TMEM51: variants seen among roughly 807,000 people sequenced by gnomAD.
The protein encoded by TMEM51 is transmembrane protein 51.
In TMEM51, 8 loss-of-function variants were observed where a neutral mutation model predicts 13.6. The observed-to-expected ratio is 0.59, with a 90% CI of 0.35 to 1.07. The LOEUF (loss-of-function observed/expected upper bound fraction) is 1.07. Among genes scored for constraint, TMEM51 ranks in the 50% least tolerant of loss-of-function variants. The pLI is 0.02. For synonymous variants in TMEM51, 147 were observed against 144.4 expected (o/e 1.02, Z -0.13); for missense variants, 279 against 330.7 (o/e 0.84, Z 1.21).
At chr1:15,164,073 G>A (rs981982902) in intron 1 of TMEM51, among the ~76,000 whole-genome samples, 19 of 151,910 alleles carry the variant, frequency 1.3e-4, no homozygotes, top group Admixed American at 5.9e-4. Flanking sequence ...CAGGTGATCC[G>A]CCCACCTCGG....
chr1:15,177,479 C>T (rs1489884542), intron 1 of TMEM51, among the ~76,000 whole-genome samples: 1 of 152,054 alleles, frequency 6.6e-6, no homozygotes, highest in East Asian at 1.9e-4. Context: ...GATGCTGCAG[C>T]AATGGGGATG....
At chr1:15,199,409 A>G (rs10927717) in intron 1 of TMEM51, among the ~76,000 whole-genome samples, 38,969 of 152,012 alleles carry the variant, frequency 0.26, 5,276 homozygotes, top group Middle Eastern at 0.32. Context: ...TGCTGGGATT[A>G]CAGGCATGAG....
chr1:15,184,923 G>A (rs1015628958), intron 1 of TMEM51, among the ~76,000 whole-genome samples: 4 of 151,894 alleles, frequency 2.6e-5, no homozygotes, highest in Admixed American at 6.6e-5. Flanking sequence ...TTATACAACC[G>A]ACATTGCACA....
At chr1:15,189,683 C>T (rs1001549305) in intron 1 of TMEM51, among the ~76,000 whole-genome samples, 1 of 152,192 alleles carries the variant, frequency 6.6e-6, no homozygotes, top group African/African-American at 2.4e-5. Context: ...CTTCCCTCCT[C>T]TTACAGCAGG....
intron 1 of TMEM51, among the ~76,000 whole-genome samples, chr1:15,170,007 A>C (rs1007969788): frequency 1.3e-5 from 2 of 152,236 alleles, no homozygotes; most frequent in African/African-American, 4.8e-5. Context: ...CTTTAAGTTC[A>C]AATGGTCCTA....
chr1:15,214,443 A>G (rs990065401), intron 2 of TMEM51, among the ~76,000 whole-genome samples: 5 of 152,110 alleles, frequency 3.3e-5, no homozygotes, highest in Non-Finnish European at 7.4e-5. Flanking sequence ...AGGGTGGGGA[A>G]CAGATGACAG....
chr1:15,217,172 G>T (rs922731543), intron 3 of TMEM51, among the ~76,000 whole-genome samples: 1 of 152,098 alleles, frequency 6.6e-6, no homozygotes, highest in Middle Eastern at 3.2e-3. Context: ...ATTCAGCAAT[G>T]CCACTTGTGG....
chr1:15,188,426 G>A (rs1210192751), intron 1 of TMEM51, among the ~76,000 whole-genome samples: 3 of 152,346 alleles, frequency 2.0e-5, no homozygotes, highest in African/African-American at 7.2e-5. Context: ...AAGAGGCCCT[G>A]CCTGGTAGGC....
At chr1:15,179,166 A>G (rs1643537876) in intron 1 of TMEM51, among the ~76,000 whole-genome samples, 1 of 152,158 alleles carries the variant, frequency 6.6e-6, no homozygotes, top group Non-Finnish European at 1.5e-5. Context: ...GCACCTGGAC[A>G]GGTGATTAAA....
chr1:15,153,450 A>AG (rs1642464878), upstream of TMEM51, among the ~76,000 whole-genome samples: 1 of 152,202 alleles, frequency 6.6e-6, no homozygotes, highest in East Asian at 2.0e-4. Context: ...CCTAGGGAGG[A>AG]GGGGGGATCA....
chr1:15,201,751 G>A (rs1487935199), intron 1 of TMEM51, among the ~76,000 whole-genome samples: 6 of 152,188 alleles, frequency 3.9e-5, no homozygotes, highest in Non-Finnish European at 5.9e-5. Flanking sequence ...TTGGCAGCAG[G>A]TTTGGGAACC....
At chr1:15,173,533 T>A (rs770384328) in intron 1 of TMEM51, among the ~76,000 whole-genome samples, 3 of 152,122 alleles carry the variant, frequency 2.0e-5, no homozygotes, top group Non-Finnish European at 4.4e-5. Context: ...CCTGATAGTA[T>A]TCTTAACACA....
chr1:15,217,238 A>T (rs549486056), intron 3 of TMEM51, among the ~76,000 whole-genome samples: 12 of 152,186 alleles, frequency 7.9e-5, no homozygotes, highest in Non-Finnish European at 1.8e-4. Context: ...CTGCCCTCCA[A>T]TGTTACCAGT....
intron 2 of TMEM51, among the ~76,000 whole-genome samples, chr1:15,213,577 C>T (rs954918501): frequency 1.4e-4 from 21 of 152,276 alleles, no homozygotes; most frequent in Admixed American, 1.3e-3. Flanking sequence ...TAAACTAAAG[C>T]CTTGAGTGAC....
chr1:15,176,599 G>A (rs1242464593), intron 1 of TMEM51, among the ~76,000 whole-genome samples: 1 of 152,174 alleles, frequency 6.6e-6, no homozygotes, highest in East Asian at 1.9e-4. Context: ...TTCCCTCCTT[G>A]GACATGTTCA....
At chr1:15,171,700 A>G (rs1643282189) in intron 1 of TMEM51, among the ~76,000 whole-genome samples, 1 of 152,172 alleles carries the variant, frequency 6.6e-6, no homozygotes, top group South Asian at 2.1e-4. Flanking sequence ...TTGACCAATT[A>G]TAACCCAGAA....
intron 1 of TMEM51, among the ~76,000 whole-genome samples, chr1:15,201,218 T>C (rs1424751353): frequency 6.6e-6 from 1 of 152,206 alleles, no homozygotes; most frequent in African/African-American, 2.4e-5. Context: ...AGAAACTTTT[T>C]CATCAGCTTG....
At chr1:15,217,112 T>C (rs1644443732) in intron 3 of TMEM51, among the ~76,000 whole-genome samples, 1 of 152,214 alleles carries the variant, frequency 6.6e-6, no homozygotes, top group Non-Finnish European at 1.5e-5. Context: ...GCAACCACTG[T>C]GGAGAAGTTT....
At chr1:15,192,330 T>A (rs1325968432) in intron 1 of TMEM51, 1 of 367,930 alleles carries the variant, frequency 2.7e-6, no homozygotes, top group Admixed American at 3.5e-5. Flanking sequence ...ATATCTTCAT[T>A]ATTTCTTACA....
Sources: allele counts gnomAD v4.1 joint callset (sites outside exome capture counted in the v4.1 genomes callset), GRCh38; gene constraint gnomAD v4.1.1; transcripts MANE v1.5; gene names NCBI Gene and HGNC (gene_info 2026-07-23, HGNC 2026-07-21).